The following VRK3 variants were observed in gnomAD, a reference collection of about 807,000 sequenced individuals.
VRK3 encodes the protein VRK serine/threonine kinase 3.
VRK3 carries 50 observed loss-of-function variants against 60.4 expected under a neutral mutation model. The observed-to-expected ratio is 0.83, with a 90% CI of 0.66 to 1.05. VRK3 has a LOEUF of 1.05. VRK3 is among the 50% of genes least tolerant of loss of function. VRK3 has a pLI of 0.00. For missense variants in VRK3, 549 were observed against 585.3 expected (o/e 0.94, Z 0.64); for synonymous variants, 246 against 227.8 (o/e 1.08, Z -0.72).
At chr19:49,991,077 G>A (rs1424985950) in intron 10 of VRK3, among the ~76,000 whole-genome samples, 3 of 152,174 alleles carry the variant, frequency 2.0e-5, no homozygotes, top group East Asian at 1.9e-4. Context: ...ACAGGTGTGA[G>A]CCACTGGGCC....
intron 6 of VRK3, chr19:50,000,428 A>T: frequency 3.3e-6 from 1 of 307,412 alleles, no homozygotes; most frequent in Non-Finnish European, 6.2e-6. Flanking sequence ...GATACACAGT[A>T]GGTGCTCGAT....
chr19:50,002,362 A>C (rs2076821246), intron 5 of VRK3, among the ~76,000 whole-genome samples: 1 of 152,088 alleles, frequency 6.6e-6, no homozygotes, highest in South Asian at 2.1e-4. Flanking sequence ...AGGGAGACGT[A>C]TGCAGGACCC....
chr19:49,992,842 G>A lies in VRK3; in HGVS notation c.963+18C>T, dbSNP rs745427089. 3 of 1,612,352 alleles carry A rather than the reference G, an allele frequency of 1.9e-6. No individual in the cohort carries two copies. Among genetic ancestry groups the A allele is most frequent in the South Asian group, 2.2e-5 (2 of 91,044 alleles). ...TGAGCCCAGAGATCTTCCAGAGTGG[G>A]CAGGAGCTGGCTCTTACCTGACTCT... On this transcript the variant is annotated intron_variant, in intron 10 of 14. Transcript: ENST00000316763.
intron 5 of VRK3, among the ~76,000 whole-genome samples, chr19:50,006,841 TCA>T (rs1011976375): frequency 6.6e-6 from 1 of 152,234 alleles, no homozygotes; most frequent in Non-Finnish European, 1.5e-5. Flanking sequence ...ATTATTTTCC[TCA>T]TTGTAACAGA....
intron 1 of VRK3, among the ~76,000 whole-genome samples, chr19:50,022,699 C>T (rs10420278): frequency 0.052 from 7,982 of 152,106 alleles, 692 homozygotes; most frequent in African/African-American, 0.18. Flanking sequence ...GAGGCTGAGG[C>T]GCAAGAGTCG....
chr19:49,991,922 T>C (rs1276579672), intron 10 of VRK3, among the ~76,000 whole-genome samples: 1 of 152,264 alleles, frequency 6.6e-6, no homozygotes, highest in East Asian at 1.9e-4. Flanking sequence ...GTTGGGTTTC[T>C]GTCATTTGTA....
intron 2 of VRK3, 62 bp from the exon 3 acceptor site, chr19:50,016,225 T>G: frequency 1.9e-6 from 3 of 1,599,680 alleles, no homozygotes; most frequent in Non-Finnish European, 2.6e-6. Context: ...GTGGAAGTAT[T>G]GTTGAACTGC....
At chr19:49,995,581 G>C (rs551567718) in intron 7 of VRK3, among the ~76,000 whole-genome samples, 37 of 152,048 alleles carry the variant, frequency 2.4e-4, no homozygotes, top group Admixed American at 5.2e-4. Context: ...TTCACACATA[G>C]AGCTAACAAG....
In VRK3 at chr19:49,994,887, A is replaced by T; in HGVS notation, c.797T>A (p.Leu266His). The T allele has an allele frequency of 1.2e-6, 2 of 1,614,084 alleles. No homozygotes were observed. Among genetic ancestry groups the T allele is most frequent in the Non-Finnish European group, 1.7e-6 (2 of 1,180,016 alleles). The stretch of plus-strand genomic sequence containing the variant: ...TGGGCTGACATCCAGGGCCGACTGA[A>T]GGCTCCTCCCCAGGCTGGGTAACAC... ...FLVLPSLGRS[L>H]QSALDVSPKH... is the part of the protein sequence containing the mutation. The change falls in exon 9 of 15, where the codon CTT becomes CAT. Residue 266 changes from leucine (L) to histidine (H), a missense_variant. Coordinates refer to ENST00000316763, the MANE Select transcript of VRK3 (RefSeq NM_016440.4).
chr19:49,980,268 T>G (rs985511937), intron 13 of VRK3, among the ~76,000 whole-genome samples: 3 of 152,026 alleles, frequency 2.0e-5, no homozygotes, highest in African/African-American at 7.2e-5. Flanking sequence ...AGGGATTGGC[T>G]TTATAAGTTA....
At chr19:49,984,982 T>C (rs1226681690) in intron 12 of VRK3, among the ~76,000 whole-genome samples, 1 of 150,148 alleles carries the variant, frequency 6.7e-6, no homozygotes, top group Non-Finnish European at 1.5e-5. Flanking sequence ...GAGAAGGATG[T>C]GTGTGTGTGT....
intron 5 of VRK3, among the ~76,000 whole-genome samples, chr19:50,006,884 C>T (rs2076900429): frequency 6.6e-6 from 1 of 152,230 alleles, no homozygotes; most frequent in South Asian, 2.1e-4. Context: ...TGCCTCCCTC[C>T]TCCCCTTCCA....
At chr19:50,006,299 G>A (rs2076889816) in intron 5 of VRK3, among the ~76,000 whole-genome samples, 1 of 150,320 alleles carries the variant, frequency 6.7e-6, no homozygotes, top group Non-Finnish European at 1.5e-5. Flanking sequence ...GACAGAGCAA[G>A]ACTCTCTCTC....
At chr19:50,022,024 T>A (rs1192634541) in intron 1 of VRK3, among the ~76,000 whole-genome samples, 1 of 152,144 alleles carries the variant, frequency 6.6e-6, no homozygotes, top group Non-Finnish European at 1.5e-5. Flanking sequence ...CTCCACTCTA[T>A]GAGGTAGGGA....
chr19:50,008,606 T>A (rs2076942017), intron 4 of VRK3: 1 of 153,390 alleles, frequency 6.5e-6, no homozygotes, highest in African/African-American at 2.4e-5. Context: ...ACACTAATTG[T>A]GCTGGGTCCC....
In VRK3 at chr19:50,000,684, G is replaced by A. The variant is rs1415898357; in HGVS notation, c.612+106C>T. The A allele has an allele frequency of 3.7e-6, 5 of 1,356,714 alleles. No homozygotes were observed. In the East Asian group the frequency reaches 7.5e-5, roughly 20 times the overall value. 84.0% of individuals were successfully genotyped at this position (1,356,714 alleles called of 1,614,324 possible). ...AATACTCCTTGCAGGTGGGGACCCT[G>A]GCCCCCGGCCGAGCTCTCCCAGCTG... is the stretch of plus-strand genomic sequence containing the variant. On this transcript the variant is annotated intron_variant, in intron 6 of 14. Transcript: ENST00000316763.
Position 49,979,237 on chromosome 19 carries a change from G to C in VRK3, c.1282C>G (p.Leu428Val). The stretch of plus-strand genomic sequence containing the variant: ...ATCACCACCTTCAGGTACTTCTGCA[G>C]GGTCTCTGTGGTCAAGACAACCCCC... ...CGHWIRPSET[L>V]QKYLKVVMAL... The change falls in exon 14 of 15, where the codon CTG (leucine) becomes GTG (valine). Residue 428 changes from leucine (L) to valine (V), a missense_variant. Coordinates refer to ENST00000316763, the MANE Select transcript of VRK3 (RefSeq NM_016440.4). 1 of 1,614,102 alleles carries C rather than the reference G, an allele frequency of 6.2e-7. No individual in the cohort carries two copies. The highest frequency in any genetic ancestry group is 8.5e-7 in the Non-Finnish European group (1 of 1,180,004).
chr19:50,011,047 T>TTG (rs1568809047), intron 3 of VRK3, among the ~76,000 whole-genome samples: 1 of 152,108 alleles, frequency 6.6e-6, no homozygotes, highest in Non-Finnish European at 1.5e-5. Flanking sequence ...ATTGCTTTTG[T>TTG]TGTAGTTCAC....
chr19:49,982,052 C>G, intron 12 of VRK3: 1 of 687,794 alleles, frequency 1.5e-6, no homozygotes, highest in Non-Finnish European at 2.7e-6. Context: ...CCGGAGGCGG[C>G]TGCATAACGG....
Sources: gnomAD v4.1 joint callset for allele counts (sites outside exome capture counted in the v4.1 genomes callset) on GRCh38, gnomAD v4.1.1 for gene constraint, MANE v1.5 for transcripts, NCBI Gene and HGNC (gene_info 2026-07-23, HGNC 2026-07-21) for gene names.